The following RGS6 variants were observed in gnomAD, a reference collection of about 807,000 sequenced individuals.
RGS6 encodes the protein regulator of G-protein signaling 6.
In RGS6, 30 loss-of-function variants were observed where a neutral mutation model predicts 78.5. That is an observed-to-expected ratio of 0.38 (90% CI 0.29 to 0.52). The LOEUF is 0.52. RGS6 is among the 20% of genes least tolerant of loss of function. The pLI, the probability that RGS6 is intolerant of heterozygous loss-of-function variation, is 0.85. For synonymous variants in RGS6, 206 were observed against 206.0 expected, an observed-to-expected ratio of 1.00 and a Z score of 0.00; for missense variants, 495 against 609.7, an observed-to-expected ratio of 0.81 and a Z score of 1.98.
chr14:72,496,587 A>G (rs1196403693), intron 13 of RGS6, among the ~76,000 whole-genome samples: 2 of 152,212 alleles, frequency 1.3e-5, no homozygotes, highest in Admixed American at 1.3e-4. Context: ...AAAATTTTCA[A>G]TTTATGTGTC....
chr14:72,475,199 G>T (rs1029132154), intron 10 of RGS6, among the ~76,000 whole-genome samples: 17 of 122,030 alleles, frequency 1.4e-4, no homozygotes, highest in African/African-American at 4.5e-4. Flanking sequence ...CTTTTTTATG[G>T]TTTTTTTTTT....
At chr14:72,536,025 G>C (rs2097246824) in intron 15 of RGS6, among the ~76,000 whole-genome samples, 161 bp from the exon 16 acceptor site, 1 of 152,150 alleles carries the variant, frequency 6.6e-6, no homozygotes, top group African/African-American at 2.4e-5. Flanking sequence ...GCTGAGTTTG[G>C]GGGTGTGGGG....
intron 2 of RGS6, among the ~76,000 whole-genome samples, chr14:72,295,892 A>G (rs372354181): frequency 7.9e-5 from 12 of 152,376 alleles, no homozygotes; most frequent in African/African-American, 2.6e-4. Flanking sequence ...GTACATTTAC[A>G]TACAGTGAAA....
the RGS6 span, among the ~76,000 whole-genome samples, chr14:72,616,097 G>A: frequency 6.6e-6 from 1 of 152,172 alleles, no homozygotes; most frequent in Non-Finnish European, 1.5e-5. Context: ...ACCCGGGCCA[G>A]GATCTTTACC....
At chr14:71,868,418 G>A in the RGS6 span, among the ~76,000 whole-genome samples, 1 of 152,144 alleles carries the variant, frequency 6.6e-6, no homozygotes, top group Admixed American at 6.5e-5. Context: ...AGAAAGCAGG[G>A]ACTGGAAAAG....
chr14:72,503,061 G>A (rs946419240), intron 13 of RGS6, among the ~76,000 whole-genome samples: 2 of 152,130 alleles, frequency 1.3e-5, no homozygotes, highest in Non-Finnish European at 2.9e-5. Context: ...GGAAGTTCAA[G>A]GTCGAGATGC....
chr14:72,486,489 G>T (rs1455876903), intron 12 of RGS6, among the ~76,000 whole-genome samples: 1 of 152,004 alleles, frequency 6.6e-6, no homozygotes, highest in Non-Finnish European at 1.5e-5. Context: ...ACCCATAGAG[G>T]CCCTCTATGC....
intron 2 of RGS6, among the ~76,000 whole-genome samples, chr14:72,290,335 C>T (rs2063364111): frequency 6.6e-6 from 1 of 152,166 alleles, no homozygotes; most frequent in South Asian, 2.1e-4. Context: ...ACAGGTTTTT[C>T]AGGCACTTTG....
At chr14:71,971,653 A>G (rs2093809535) in intron 2 of RGS6, among the ~76,000 whole-genome samples, 1 of 152,228 alleles carries the variant, frequency 6.6e-6, no homozygotes, top group Non-Finnish European at 1.5e-5. Flanking sequence ...CCAAGTGCAG[A>G]TTCCGTGAGT....
At chr14:72,405,007 TGAG>T (rs2092793515) in intron 3 of RGS6, among the ~76,000 whole-genome samples, 1 of 151,928 alleles carries the variant, frequency 6.6e-6, no homozygotes, top group South Asian at 2.1e-4. Flanking sequence ...CACAAGAAGT[TGAG>T]GAGGGCAGAG....
Position 72,562,788 on chromosome 14 carries a change from C to T in RGS6, c.*321C>T, listed in dbSNP as rs1469665587. 2.0e-6 allele frequency: 3 copies of T among 1,478,804 alleles called. No individual in the cohort carries two copies. Among genetic ancestry groups the T allele is most frequent in the Non-Finnish European group, 2.7e-6 (3 of 1,094,626 alleles). 91.6% of individuals were successfully genotyped at this position (1,478,804 alleles called of 1,614,324 possible). A position where few individuals can be genotyped will look rare whatever the true frequency, so the allele number is the denominator to read the frequency against. On this transcript the variant is annotated 3_prime_UTR_variant, in exon 18 of 18. Transcript: ENST00000553525. ...CAGGGGAGAACACGTCGTGGGGTTC[C>T]TGTCACGACTATCACTTGAGATTAT...
chr14:71,966,860 A>G (rs1260582282), intron 2 of RGS6, among the ~76,000 whole-genome samples: 2 of 152,300 alleles, frequency 1.3e-5, no homozygotes, highest in East Asian at 3.9e-4. Flanking sequence ...GCAAATTTAT[A>G]CAGTGAGTTT....
downstream of RGS6, among the ~76,000 whole-genome samples, chr14:72,571,228 T>C (rs2097719873): frequency 2.6e-5 from 4 of 152,316 alleles, no homozygotes; most frequent in African/African-American, 9.6e-5. Context: ...TTACATAAGA[T>C]TATACAGGCT....
At chr14:72,416,724 GGAACAA>G (rs2093838968) in intron 3 of RGS6, among the ~76,000 whole-genome samples, 1 of 152,160 alleles carries the variant, frequency 6.6e-6, no homozygotes, top group African/African-American at 2.4e-5. Context: ...AACTCAGGAA[GGAACAA>G]GAACCTGTCT....
At position 72,471,122 on chromosome 14, in the gene RGS6, A is replaced by ATTTCTTCTTT. The variant is rs58900801; in HGVS notation, c.536+1040_536+1049dup. 7.8e-3 allele frequency among the ~76,000 whole-genome samples: 1,182 copies of ATTTCTTCTTT among 152,244 alleles called. 12 individuals are homozygous for ATTTCTTCTTT. Among genetic ancestry groups the ATTTCTTCTTT allele is most frequent in the African/African-American group, 0.027 (1,113 of 41,528 alleles). ...GAGAGGGAGAGTCTGAACTTCTTCA[A>ATTTCTTCTTT]TTTCTTCTTTCAAGTCTACCAATTA... On this transcript the variant is annotated intron_variant, in intron 8 of 17. Transcript: ENST00000553525.
the RGS6 span, among the ~76,000 whole-genome samples, chr14:72,602,573 C>G: frequency 6.6e-6 from 1 of 152,162 alleles, no homozygotes; most frequent in East Asian, 1.9e-4. Flanking sequence ...CAGTGCGCAC[C>G]GAGGCAAGGG....
chr14:72,332,667 G>A (rs2075300739), intron 2 of RGS6, among the ~76,000 whole-genome samples: 1 of 152,174 alleles, frequency 6.6e-6, no homozygotes, highest in Admixed American at 6.5e-5. Flanking sequence ...CTCACAGGAA[G>A]CCAGGGCCAA....
intron 17 of RGS6, among the ~76,000 whole-genome samples, chr14:72,559,436 C>G (rs560536481): frequency 3.3e-5 from 5 of 152,288 alleles, no homozygotes; most frequent in Non-Finnish European, 7.4e-5. Context: ...CATGATTAAC[C>G]GCCTTCCAGT....
chr14:72,052,326 T>TAA (rs1161099983), intron 2 of RGS6, among the ~76,000 whole-genome samples: 1 of 152,208 alleles, frequency 6.6e-6, no homozygotes, highest in African/African-American at 2.4e-5. Context: ...TAAAGGAGTT[T>TAA]AATAATGGAT....
Sources: gnomAD v4.1 joint callset for allele counts (sites outside exome capture counted in the v4.1 genomes callset) on GRCh38, gnomAD v4.1.1 for gene constraint, MANE v1.5 for transcripts, NCBI Gene and HGNC (gene_info 2026-07-23, HGNC 2026-07-21) for gene names.